The following ARB2A variants were observed in gnomAD, a reference collection of about 807,000 sequenced individuals.
ARB2A encodes cotranscriptional regulator ARB2A.
At chr5:93,872,277 A>G in the ARB2A span, among the ~76,000 whole-genome samples, 1 of 152,132 alleles carries the variant, frequency 6.6e-6, no homozygotes. Context: ...ACATTAATTT[A>G]CATCATTTAT....
At chr5:93,754,900 G>A in the ARB2A span, among the ~76,000 whole-genome samples, 1 of 151,986 alleles carries the variant, frequency 6.6e-6, no homozygotes, top group Non-Finnish European at 1.5e-5. Flanking sequence ...TCTGATTTCT[G>A]TGTAATATTT....
chr5:93,760,111 C>T, the ARB2A span, among the ~76,000 whole-genome samples: 18 of 152,184 alleles, frequency 1.2e-4, no homozygotes, highest in East Asian at 3.9e-4. Flanking sequence ...AGCGACCAAG[C>T]GGAGAATCAA....
the ARB2A span, among the ~76,000 whole-genome samples, chr5:93,829,244 C>T: frequency 6.6e-6 from 1 of 152,268 alleles, no homozygotes. Flanking sequence ...TGAGAAGACA[C>T]ACAGAACAGT....
the ARB2A span, among the ~76,000 whole-genome samples, chr5:93,781,032 T>C: frequency 6.6e-6 from 1 of 152,196 alleles, no homozygotes; most frequent in African/African-American, 2.4e-5. Context: ...CTTTTTTTTA[T>C]AGATTTAGGG....
the ARB2A span, among the ~76,000 whole-genome samples, chr5:93,819,207 G>T: frequency 3.6e-5 from 5 of 139,968 alleles, no homozygotes; most frequent in East Asian, 1.0e-3. Flanking sequence ...AAAAAAAAAG[G>T]TTTAAACTCT....
At chr5:93,801,270 ATTT>A in the ARB2A span, among the ~76,000 whole-genome samples, 1 of 152,120 alleles carries the variant, frequency 6.6e-6, no homozygotes, top group Non-Finnish European at 1.5e-5. Context: ...TGGATACTCT[ATTT>A]ATTTGTGAGA....
At chr5:93,812,918 G>A in the ARB2A span, among the ~76,000 whole-genome samples, 1 of 152,154 alleles carries the variant, frequency 6.6e-6, no homozygotes, top group Non-Finnish European at 1.5e-5. Flanking sequence ...ATTTAGAAGA[G>A]GCCATGAGGA....
At chr5:93,683,679 C>T in the ARB2A span, 10 of 1,608,950 alleles carry the variant, frequency 6.2e-6, no homozygotes, top group Non-Finnish European at 8.5e-6. Context: ...AGTTCTGGGG[C>T]CTCAGGGGGC....
chr5:93,851,306 T>A, the ARB2A span, among the ~76,000 whole-genome samples: 1 of 152,154 alleles, frequency 6.6e-6, no homozygotes, highest in African/African-American at 2.4e-5. Flanking sequence ...TCCTATGTAT[T>A]TTACAGAGGA....
the ARB2A span, among the ~76,000 whole-genome samples, chr5:93,694,692 A>C: frequency 6.6e-6 from 1 of 152,244 alleles, no homozygotes; most frequent in Non-Finnish European, 1.5e-5. Flanking sequence ...AAGCTACTTT[A>C]AATTTCATAT....
At chr5:94,032,137 C>T in the ARB2A span, among the ~76,000 whole-genome samples, 1 of 152,186 alleles carries the variant, frequency 6.6e-6, no homozygotes, top group East Asian at 1.9e-4. Context: ...AAAGCTGCCA[C>T]CTTCAAGACC....
the ARB2A span, among the ~76,000 whole-genome samples, chr5:93,902,579 G>C: frequency 6.6e-6 from 1 of 152,070 alleles, no homozygotes; most frequent in Admixed American, 6.6e-5. Context: ...AGAATAGAAG[G>C]CTAGGAGTTT....
chr5:93,667,381 A>G, the ARB2A span, among the ~76,000 whole-genome samples: 3 of 152,210 alleles, frequency 2.0e-5, no homozygotes, highest in Non-Finnish European at 4.4e-5. Flanking sequence ...ACATATCTAC[A>G]AACTCTTATA....
chr5:93,782,233 A>G, the ARB2A span, among the ~76,000 whole-genome samples: 1 of 152,192 alleles, frequency 6.6e-6, no homozygotes, highest in African/African-American at 2.4e-5. Context: ...CAATGATAAC[A>G]CATCTCATTT....
the ARB2A span, among the ~76,000 whole-genome samples, chr5:93,944,776 A>G: frequency 6.6e-6 from 1 of 152,164 alleles, no homozygotes; most frequent in Admixed American, 6.6e-5. Context: ...GGTAGAAGAG[A>G]AAATGGAGGA....
the ARB2A span, among the ~76,000 whole-genome samples, chr5:93,829,214 A>C: frequency 1.3e-5 from 2 of 152,254 alleles, no homozygotes. Flanking sequence ...CCTTGACCCC[A>C]AACACATCCC....
chr5:93,637,359 T>G, the ARB2A span, among the ~76,000 whole-genome samples: 1 of 103,410 alleles, frequency 9.7e-6, no homozygotes, highest in Non-Finnish European at 2.0e-5. Context: ...GTTTAGTTTT[T>G]TTTTTTTTTT....
chr5:93,920,748 C>T, the ARB2A span, among the ~76,000 whole-genome samples: 1 of 152,084 alleles, frequency 6.6e-6, no homozygotes, highest in African/African-American at 2.4e-5. Flanking sequence ...AGTATAAAAT[C>T]GTAACTGCAT....
chr5:93,965,947 A>G, the ARB2A span, among the ~76,000 whole-genome samples: 2 of 152,050 alleles, frequency 1.3e-5, no homozygotes, highest in African/African-American at 4.8e-5. Context: ...TGGTAATTTC[A>G]AAAGCTATGA....
Sources: allele counts gnomAD v4.1 joint callset (sites outside exome capture counted in the v4.1 genomes callset), GRCh38; gene constraint gnomAD v4.1.1; transcripts MANE v1.5; gene names NCBI Gene and HGNC (gene_info 2026-07-23, HGNC 2026-07-21).